Variants in HYDIN observed in about 807,000 individuals in gnomAD.
The protein encoded by HYDIN is HYDIN axonemal central pair apparatus protein.
Under a neutral mutation model 403.9 loss-of-function variants are expected in HYDIN, and 132 were observed. The observed-to-expected ratio is 0.33, with a 90% CI of 0.28 to 0.38. HYDIN has a LOEUF of 0.38. Ranked by LOEUF, HYDIN falls within the 10% of genes least tolerant of loss-of-function variation. The pLI, the probability that HYDIN is intolerant of heterozygous loss-of-function variation, is 1.00. For missense variants in HYDIN, 2,827 were observed against 5,009.5 expected, an observed-to-expected ratio of 0.56 and a Z score of 13.15; for synonymous variants, 1,202 against 1,891.7, an observed-to-expected ratio of 0.64 and a Z score of 9.46.
chr16:70,875,916 A>G (rs2040416022), intron 62 of HYDIN, among the ~76,000 whole-genome samples: 1 of 152,236 alleles, frequency 6.6e-6, no homozygotes, highest in Admixed American at 6.5e-5. Flanking sequence ...ATGCTAAAAC[A>G]TATTATAAAG....
At chr16:71,202,965 C>T (rs574088149) in intron 1 of HYDIN, among the ~76,000 whole-genome samples, 4 of 152,202 alleles carry the variant, frequency 2.6e-5, no homozygotes, top group Middle Eastern at 3.4e-3. Context: ...ACATGTGACC[C>T]TAACAATGCC....
chr16:71,179,553 G>A (rs974106143), intron 3 of HYDIN, among the ~76,000 whole-genome samples: 1 of 152,040 alleles, frequency 6.6e-6, no homozygotes, highest in South Asian at 2.1e-4. Context: ...ATAATAAAGG[G>A]GTAAATATGT....
intron 84 of HYDIN, chr16:70,817,103 TCTC>T (rs1329414327): frequency 1.4e-5 from 2 of 141,366 alleles, no homozygotes; most frequent in Non-Finnish European, 3.0e-5. Flanking sequence ...CAGATGCAGA[TCTC>T]CTATATATAA....
Position 71,120,098 on chromosome 16 carries a change from T to TAGAA in HYDIN, c.1228-4304_1228-4303insTTCT, listed in dbSNP as rs773912236. On this transcript the variant is annotated intron_variant, in intron 9 of 85. Transcript: ENST00000393567. ...CGCGTCCCCCATTCTGCGAGCCTTC[T>TAGAA]ACATGTGACCCCTCTCCCATGACTG... is the stretch of plus-strand genomic sequence containing the variant. Among the ~76,000 whole-genome samples the TAGAA allele has an allele frequency of 5.7e-3, 861 of 152,170 alleles. 5 individuals are homozygous for TAGAA. The highest frequency in any genetic ancestry group is 0.01 in the Non-Finnish European group (713 of 68,008).
chr16:71,165,138 C>G (rs1012348982), intron 5 of HYDIN, among the ~76,000 whole-genome samples: 1 of 151,134 alleles, frequency 6.6e-6, no homozygotes, highest in Non-Finnish European at 1.5e-5. Context: ...AAATGTAAGT[C>G]AGCTCAGGCT....
chr16:71,122,797 G>A (rs2084309861), intron 9 of HYDIN, among the ~76,000 whole-genome samples: 1 of 151,758 alleles, frequency 6.6e-6, no homozygotes, highest in Non-Finnish European at 1.5e-5. Flanking sequence ...TCTTTTTAAG[G>A]CTTAGTTAAA....
intron 7 of HYDIN, among the ~76,000 whole-genome samples, chr16:71,144,596 A>C: frequency 6.7e-6 from 1 of 149,528 alleles, no homozygotes. Flanking sequence ...AAAGAGGAAA[A>C]GAGAAGGGAG....
At chr16:71,189,766 C>CA (rs35684537) in intron 1 of HYDIN, among the ~76,000 whole-genome samples, 54,666 of 111,564 alleles carry the variant, frequency 0.49, 12,598 homozygotes, top group East Asian at 0.67. Context: ...GACTCTGCCT[C>CA]AAAAAAAAAA....
At chr16:71,125,367 T>G (rs1320542439) in intron 9 of HYDIN, among the ~76,000 whole-genome samples, 1 of 152,234 alleles carries the variant, frequency 6.6e-6, no homozygotes, top group African/African-American at 2.4e-5. Flanking sequence ...AGAGCCAAAC[T>G]CGTCATCATT....
intron 18 of HYDIN, among the ~76,000 whole-genome samples, chr16:71,051,233 T>C (rs1320597459): frequency 6.6e-6 from 1 of 152,214 alleles, no homozygotes; most frequent in African/African-American, 2.4e-5. Flanking sequence ...ATCATCTGGA[T>C]AGACACAGGA....
At chr16:71,002,377 T>C (rs938192535) in intron 23 of HYDIN, among the ~76,000 whole-genome samples, 1 of 151,888 alleles carries the variant, frequency 6.6e-6, no homozygotes, top group African/African-American at 2.4e-5. Flanking sequence ...GAGACCCCCA[T>C]CTCTACAAAA....
rs1249458893 is a variant in HYDIN, at chr16:71,062,201, T to C, written c.2344A>G (p.Ile782Val). 6.7e-7 allele frequency: 1 copy of C among 1,489,386 alleles called. No homozygotes were observed. The highest frequency in any genetic ancestry group is 2.3e-5 in the East Asian group (1 of 43,650). 92.3% of individuals were successfully genotyped at this position (1,489,386 alleles called of 1,614,324 possible). The change falls in exon 17 of 86, where the codon ATC becomes GTC. Residue 782 changes from isoleucine to valine, a missense_variant. Coordinates refer to ENST00000393567, the MANE Select transcript of HYDIN (RefSeq NM_001270974.2). ...VTGEHRSTVY[I>V]SIFGSQDPPL... ...GGGTCCTGGCTCCCAAAGATTGAGATGTAAACCGTGGATCTGTGTTCTCCA... is the reference window on the plus strand; with the variant it reads ...GGGTCCTGGCTCCCAAAGATTGAGACGTAAACCGTGGATCTGTGTTCTCCA...
intron 23 of HYDIN, among the ~76,000 whole-genome samples, chr16:71,002,543 C>A (rs1211806334): frequency 1.4e-5 from 2 of 142,158 alleles, no homozygotes; most frequent in East Asian, 2.0e-4. Context: ...CAAAGTGAGA[C>A]CCTGTCTGTT....
intron 21 of HYDIN, among the ~76,000 whole-genome samples, chr16:71,024,170 C>T (rs2080603145): frequency 6.6e-6 from 1 of 152,234 alleles, no homozygotes; most frequent in Admixed American, 6.5e-5. Flanking sequence ...CCTGGAAGCC[C>T]TCCAATGGCC....
At chr16:70,940,885 G>A (rs1206973835) in intron 43 of HYDIN, among the ~76,000 whole-genome samples, 13 of 152,244 alleles carry the variant, frequency 8.5e-5, no homozygotes, top group Non-Finnish European at 1.9e-4. Flanking sequence ...AAGCTCCTGG[G>A]AGGTGGGGCT....
At chr16:70,824,852 T>C (rs578169100) in intron 83 of HYDIN, among the ~76,000 whole-genome samples, 154 of 152,286 alleles carry the variant, frequency 1.0e-3, no homozygotes, top group Middle Eastern at 3.4e-3. Flanking sequence ...TGGGTTACTT[T>C]TTTTTTTCTT....
chr16:70,902,821 A>ATATATATATATATATAT, intron 52 of HYDIN, among the ~76,000 whole-genome samples: 1 of 47,314 alleles, frequency 2.1e-5, no homozygotes. Flanking sequence ...ATATATATAT[A>ATATATATATATATATAT]TTTTTTTTTT....
At chr16:70,880,014 C>A (rs556630910) in intron 60 of HYDIN, among the ~76,000 whole-genome samples, 1 of 53,896 alleles carries the variant, frequency 1.9e-5, no homozygotes, top group Admixed American at 2.0e-4. Flanking sequence ...CCTGCTACCC[C>A]ACCCCTGTCA....
intron 83 of HYDIN, among the ~76,000 whole-genome samples, chr16:70,825,100 C>G (rs1462368400): frequency 1.3e-5 from 2 of 152,094 alleles, no homozygotes; most frequent in African/African-American, 4.8e-5. Flanking sequence ...CCAAGTTTTG[C>G]TGTCATAAGA....
Sources: allele counts gnomAD v4.1 joint callset (sites outside exome capture counted in the v4.1 genomes callset), GRCh38; gene constraint gnomAD v4.1.1; transcripts MANE v1.5; gene names NCBI Gene and HGNC (gene_info 2026-07-23, HGNC 2026-07-21).